LIFR: variants seen among roughly 807,000 people sequenced by gnomAD.
LIFR encodes leukemia inhibitory factor receptor.
Under a neutral mutation model 122.2 loss-of-function variants are expected in LIFR, and 84 were observed. The ratio of observed to expected loss-of-function variants is 0.69; its 90% CI spans 0.58 to 0.82. LIFR has a LOEUF of 0.82. LIFR is among the 40% of genes least tolerant of loss of function. The probability of loss-of-function intolerance (pLI) is 0.00; values close to 1 mark genes in which losing one functional copy is unlikely to be tolerated. For synonymous variants in LIFR, 422 were observed against 434.7 expected (o/e 0.97, Z 0.36); for missense variants, 1,294 against 1,311.6 (o/e 0.99, Z 0.21).
At chr5:38,529,315 C>T (rs1020308786) in intron 2 of LIFR, among the ~76,000 whole-genome samples, 1 of 152,154 alleles carries the variant, frequency 6.6e-6, no homozygotes, top group African/African-American at 2.4e-5. Context: ...AATGATGTGC[C>T]TTCCAAGTTT....
chr5:38,517,856 C>CAAA lies in LIFR; in HGVS notation c.561+5560_561+5562dup, dbSNP rs572954936. On this transcript the variant is annotated intron_variant, in intron 5 of 19. Transcript: ENST00000453190. ...TGTGCAACAGAGCAAGACACTGTCTCAAAAAAAAAAAAAAAAAAAAAAAAA... is the reference window on the plus strand; with the variant it reads ...TGTGCAACAGAGCAAGACACTGTCTCAAAAAAAAAAAAAAAAAAAAAAAAAAAA... Among the ~76,000 whole-genome samples, 85 of 15,026 alleles carry CAAA rather than the reference C, an allele frequency of 5.7e-3. 10 individuals are homozygous for CAAA. The highest frequency in any genetic ancestry group is 0.022 in the African/African-American group (50 of 2,248). The allele number at this position is 15,026 out of a possible 152,430, so 9.9% of individuals were successfully genotyped here.
intron 2 of LIFR, among the ~76,000 whole-genome samples, chr5:38,603,226 C>T (rs1290000890): frequency 6.6e-6 from 1 of 152,120 alleles, no homozygotes; most frequent in African/African-American, 2.4e-5. Context: ...AATAAACTTC[C>T]ACTTCTACTT....
At chr5:38,598,303 A>G (rs749420443), upstream of LIFR, among the ~76,000 whole-genome samples, 1 of 131,388 alleles carries the variant, frequency 7.6e-6, no homozygotes, top group African/African-American at 2.9e-5. Context: ...CTGGAGTACA[A>G]TGGTGCAATC....
chr5:38,553,619 AAACTATATAT>A (rs1748323507), intron 1 of LIFR, among the ~76,000 whole-genome samples: 1 of 71,546 alleles, frequency 1.4e-5, no homozygotes, highest in Admixed American at 1.8e-4. Flanking sequence ...TGGACCATTT[AAACTATATAT>A]ATATATATAT....
chr5:38,479,368 T>C lies in LIFR; in HGVS notation c.*2227A>G, dbSNP rs1743870087. On this transcript the variant is annotated 3_prime_UTR_variant, in exon 20 of 20. Coordinates refer to ENST00000453190, the MANE Select transcript of LIFR (RefSeq NM_001127671.2). The stretch of plus-strand genomic sequence containing the variant: ...AGGTGAGTGATATTCTGCACTTTTT[T>C]CATACAGAAAAAAACAATGAAGTCT... The C allele has an allele frequency of 4.3e-6, 1 of 230,358 alleles. No individual in the cohort carries two copies. The highest frequency in any genetic ancestry group is 8.6e-6 in the Non-Finnish European group (1 of 116,476). 14.3% of individuals were successfully genotyped at this position (230,358 alleles called of 1,614,324 possible).
Position 38,590,829 on chromosome 5 carries a change from G to A in LIFR, c.-20+4432C>T, listed in dbSNP as rs147111838. Among the ~76,000 whole-genome samples the A allele has an allele frequency of 1.8e-4, 28 of 152,270 alleles. 1 individual carries two copies. Among genetic ancestry groups the A allele is most frequent in the South Asian group, 6.2e-4 (3 of 4,814 alleles). Reference sequence around the variant, plus strand: ...GTCCAAGCACACAGCATTCAAACCCGGGGATCTGACACCAGTGACTGCAAA... The same window carrying A: ...GTCCAAGCACACAGCATTCAAACCCAGGGATCTGACACCAGTGACTGCAAA... On this transcript the variant is annotated intron_variant, in intron 1 of 19. Transcript: ENST00000263409.
At chr5:38,524,406 G>A (rs1746565977) in intron 4 of LIFR, among the ~76,000 whole-genome samples, 1 of 152,216 alleles carries the variant, frequency 6.6e-6, no homozygotes, top group East Asian at 1.9e-4. Flanking sequence ...TTGAGACAGG[G>A]GATAAGGTGA....
intron 1 of LIFR, among the ~76,000 whole-genome samples, chr5:38,534,369 A>C (rs1747180806): frequency 6.6e-6 from 1 of 152,164 alleles, no homozygotes; most frequent in Non-Finnish European, 1.5e-5. Flanking sequence ...CTTACGAAAA[A>C]CATACACTTG....
Position 38,477,930 on chromosome 5 carries a change from T to C in LIFR, c.*3665A>G, listed in dbSNP as rs1241415853. The C allele has an allele frequency of 4.7e-6, 1 of 213,288 alleles. No homozygotes were observed. Among genetic ancestry groups the C allele is most frequent in the African/African-American group, 2.3e-5 (1 of 43,302 alleles). The allele number at this position is 213,288 out of a possible 1,614,324, so 13.2% of individuals were successfully genotyped here. On this transcript the variant is annotated 3_prime_UTR_variant, in exon 20 of 20. Transcript: ENST00000453190. ...TTTTAACATAATTCAAAATAGAGAA[T>C]AGCAAAAATAACCTTAGAGCAAACA...
chr5:38,583,443 T>A (rs1749650639), intron 1 of LIFR, among the ~76,000 whole-genome samples: 1 of 151,714 alleles, frequency 6.6e-6, no homozygotes, highest in African/African-American at 2.4e-5. Flanking sequence ...AAAGCAAAAA[T>A]AAATAAATGA....
chr5:38,562,868 C>T (rs1403367509), intron 1 of LIFR, among the ~76,000 whole-genome samples: 2 of 152,152 alleles, frequency 1.3e-5, no homozygotes, highest in Non-Finnish European at 2.9e-5. Context: ...ACACATTTGC[C>T]AATAGGCATA....
intron 1 of LIFR, among the ~76,000 whole-genome samples, chr5:38,536,620 G>A (rs1033543086): frequency 9.9e-5 from 15 of 152,146 alleles, no homozygotes; most frequent in African/African-American, 3.6e-4. Flanking sequence ...TGCTACTAAA[G>A]TGCTTGATCA....
intron 1 of LIFR, among the ~76,000 whole-genome samples, chr5:38,569,308 A>C (rs1749130617): frequency 6.6e-6 from 1 of 152,182 alleles, no homozygotes; most frequent in African/African-American, 2.4e-5. Flanking sequence ...AGACTCTTCA[A>C]GAGCCAGATG....
chr5:38,516,410 GCA>G (rs1298531194), intron 5 of LIFR, among the ~76,000 whole-genome samples: 1 of 152,178 alleles, frequency 6.6e-6, no homozygotes, highest in Non-Finnish European at 1.5e-5. Flanking sequence ...CAAACGATAT[GCA>G]CAGACACTTC....
chr5:38,556,006 C>A (rs552557446), intron 1 of LIFR, among the ~76,000 whole-genome samples: 1 of 152,186 alleles, frequency 6.6e-6, no homozygotes, highest in Non-Finnish European at 1.5e-5. Context: ...CAGAGGGGCA[C>A]GAAATCACCT....
chr5:38,530,994 G>A (rs1050419786), intron 1 of LIFR: 13 of 218,028 alleles, frequency 6.0e-5, no homozygotes, highest in Non-Finnish European at 9.2e-5. Context: ...GAAAAGCAGT[G>A]CATGAGACTG....
chr5:38,575,642 C>A (rs903684561), intron 1 of LIFR, among the ~76,000 whole-genome samples: 1 of 152,094 alleles, frequency 6.6e-6, no homozygotes, highest in Non-Finnish European at 1.5e-5. Context: ...TGTGCTGAGT[C>A]CATGGGCAGC....
intron 5 of LIFR, 47 bp from the exon 6 acceptor site, chr5:38,512,011 G>T: frequency 6.3e-7 from 1 of 1,578,184 alleles, no homozygotes; most frequent in Non-Finnish European, 8.7e-7. Context: ...GTAGCAATAT[G>T]TTTTGCTTTC....
At chr5:38,484,079 C>T (rs1744142858) in intron 18 of LIFR, among the ~76,000 whole-genome samples, 1 of 152,204 alleles carries the variant, frequency 6.6e-6, no homozygotes, top group African/African-American at 2.4e-5. Flanking sequence ...ATTTCAGGGC[C>T]CTCAAAGAAA....
Sources: allele counts gnomAD v4.1 joint callset (sites outside exome capture counted in the v4.1 genomes callset), GRCh38; gene constraint gnomAD v4.1.1; transcripts MANE v1.5; gene names NCBI Gene and HGNC (gene_info 2026-07-23, HGNC 2026-07-21).